The following PRKG1 variants were observed in gnomAD, a reference collection of about 807,000 sequenced individuals.
The protein encoded by PRKG1 is cGMP-dependent protein kinase 1.
A neutral mutation model predicts 88.1 loss-of-function variants in PRKG1; 35 were observed. The observed-to-expected ratio is 0.40, with a 90% CI of 0.30 to 0.53. PRKG1 has a LOEUF of 0.53. Among genes scored for constraint, PRKG1 ranks in the 20% least tolerant of loss-of-function variants. PRKG1 has a pLI of 0.59. For missense variants in PRKG1, 540 were observed against 839.8 expected, an observed-to-expected ratio of 0.64 and a Z score of 4.41; for synonymous variants, 303 against 292.5, an observed-to-expected ratio of 1.04 and a Z score of -0.37.
intron 4 of PRKG1, among the ~76,000 whole-genome samples, chr10:51,826,002 A>AAG (rs1298151110): frequency 1.3e-5 from 2 of 152,182 alleles, no homozygotes; most frequent in South Asian, 2.1e-4. Context: ...CTTGATGCCC[A>AAG]TTCATGGGTA....
intron 3 of PRKG1, among the ~76,000 whole-genome samples, chr10:51,734,526 C>T (rs1191497504): frequency 1.3e-5 from 2 of 152,060 alleles, no homozygotes; most frequent in Admixed American, 6.6e-5. Context: ...ATCAGTGTAA[C>T]GCTGCCCCAA....
At chr10:51,834,007 A>G (rs535488624) in intron 4 of PRKG1, among the ~76,000 whole-genome samples, 30 of 152,170 alleles carry the variant, frequency 2.0e-4, no homozygotes, top group Admixed American at 9.2e-4. Flanking sequence ...CTCTAGGTTC[A>G]TTCAGGTCAT....
intron 3 of PRKG1, among the ~76,000 whole-genome samples, chr10:51,486,741 C>T (rs899926321): frequency 6.6e-6 from 1 of 152,120 alleles, no homozygotes; most frequent in Middle Eastern, 3.4e-3. Flanking sequence ...TATACTTTAC[C>T]ATCATTAACA....
intron 3 of PRKG1, among the ~76,000 whole-genome samples, chr10:51,732,789 C>T (rs1314198800): frequency 1.3e-5 from 2 of 152,104 alleles, no homozygotes; most frequent in Non-Finnish European, 2.9e-5. Context: ...TGTAAGATCT[C>T]ACCTTAATAA....
At chr10:51,804,787 TTC>T in intron 4 of PRKG1, 97 bp downstream of exon 4, 1 of 786,680 alleles carries the variant, frequency 1.3e-6, no homozygotes, top group Non-Finnish European at 2.1e-6. Context: ...CTTTTTGCCT[TTC>T]TCTCAGTCAT....
intron 3 of PRKG1, among the ~76,000 whole-genome samples, chr10:51,752,109 G>T (rs1024796524): frequency 2.0e-5 from 3 of 152,068 alleles, no homozygotes; most frequent in African/African-American, 4.8e-5. Context: ...AGCTACTGTT[G>T]CATTTTCCAT....
At chr10:52,146,154 G>C (rs1837721606) in intron 8 of PRKG1, among the ~76,000 whole-genome samples, 1 of 152,010 alleles carries the variant, frequency 6.6e-6, no homozygotes, top group Non-Finnish European at 1.5e-5. Flanking sequence ...TATTCCCATG[G>C]GGTTCACTTT....
At chr10:51,793,749 A>G (rs928907801) in intron 3 of PRKG1, among the ~76,000 whole-genome samples, 1 of 152,108 alleles carries the variant, frequency 6.6e-6, no homozygotes, top group African/African-American at 2.4e-5. Context: ...GAAGGAAACA[A>G]TATATTAGAT....
chr10:51,590,822 T>G (rs1385870030), intron 3 of PRKG1, among the ~76,000 whole-genome samples: 1 of 150,008 alleles, frequency 6.7e-6, no homozygotes, highest in East Asian at 2.0e-4. Flanking sequence ...ATGGGGGGGG[T>G]GGGGTGGTAT....
chr10:51,283,291 GA>G (rs950782950), intron 2 of PRKG1, among the ~76,000 whole-genome samples: 9 of 151,822 alleles, frequency 5.9e-5, no homozygotes, highest in Non-Finnish European at 1.3e-4. Context: ...GCTGTGAGAT[GA>G]AAAAAAGCCT....
At chr10:52,172,616 A>T (rs1838734763) in intron 9 of PRKG1, among the ~76,000 whole-genome samples, 1 of 152,236 alleles carries the variant, frequency 6.6e-6, no homozygotes, top group South Asian at 2.1e-4. Context: ...TTGAAAAAAT[A>T]ATTATCTCTA....
chr10:51,299,669 G>A (rs556341940), intron 2 of PRKG1: 43 of 451,132 alleles, frequency 9.5e-5, no homozygotes, highest in South Asian at 6.9e-4. Context: ...GCAGATACAG[G>A]TTACCTATGT....
intron 9 of PRKG1, among the ~76,000 whole-genome samples, chr10:52,250,877 C>T (rs10824297): frequency 0.042 from 6,436 of 152,196 alleles, 233 homozygotes; most frequent in South Asian, 0.18. Flanking sequence ...CTCCACACCA[C>T]TCATATAAGA....
intron 3 of PRKG1, among the ~76,000 whole-genome samples, chr10:51,699,862 C>A (rs1207109493): frequency 6.6e-6 from 1 of 152,190 alleles, no homozygotes; most frequent in Non-Finnish European, 1.5e-5. Flanking sequence ...ACGAGATGAC[C>A]ACAGTAAAGA....
chr10:51,979,621 T>C (rs1843953220), intron 5 of PRKG1, among the ~76,000 whole-genome samples: 1 of 148,024 alleles, frequency 6.8e-6, no homozygotes, highest in African/African-American at 2.5e-5. Context: ...CTTTTTTTTT[T>C]TTTTTTTTTT....
chr10:51,884,204 T>G (rs961461718), intron 4 of PRKG1, among the ~76,000 whole-genome samples: 4 of 150,980 alleles, frequency 2.6e-5, no homozygotes, highest in African/African-American at 9.7e-5. Context: ...CCCAGCACTT[T>G]GGGAGGCCGA....
intron 2 of PRKG1, among the ~76,000 whole-genome samples, chr10:51,447,741 C>T (rs779298994): frequency 6.6e-6 from 1 of 151,974 alleles, no homozygotes; most frequent in Non-Finnish European, 1.5e-5. Context: ...TTGCCTAATT[C>T]TCTTCTGCAG....
chr10:52,117,009 G>T (rs1847702259), intron 7 of PRKG1, among the ~76,000 whole-genome samples: 1 of 152,174 alleles, frequency 6.6e-6, no homozygotes, highest in South Asian at 2.1e-4. Flanking sequence ...GTGAGTTAAT[G>T]TAGTGGTTAA....
intron 3 of PRKG1, among the ~76,000 whole-genome samples, chr10:51,731,680 G>A (rs888932245): frequency 2.6e-5 from 4 of 152,194 alleles, no homozygotes; most frequent in Admixed American, 6.5e-5. Context: ...ATGTGCATCA[G>A]AAAATTGAAT....
Sources: gnomAD v4.1 joint callset for allele counts (sites outside exome capture counted in the v4.1 genomes callset) on GRCh38, gnomAD v4.1.1 for gene constraint, MANE v1.5 for transcripts, NCBI Gene and HGNC (gene_info 2026-07-23, HGNC 2026-07-21) for gene names.